OR1J2: variants seen among roughly 807,000 people sequenced by gnomAD.
OR1J2 encodes olfactory receptor family 1 subfamily J member 2, also known as olfactory receptor 1J2.
For synonymous variants in OR1J2, 142 were observed against 99.7 expected, an observed-to-expected ratio of 1.42 and a Z score of -2.52; for missense variants, 304 against 246.1, an observed-to-expected ratio of 1.24 and a Z score of -1.57.
At chr9:122,489,883 CAATT>C in the OR1J2 span, among the ~76,000 whole-genome samples, 1 of 152,090 alleles carries the variant, frequency 6.6e-6, no homozygotes, top group East Asian at 1.9e-4. Context: ...ATTAAAAACG[CAATT>C]AATAAAAACC....
the OR1J2 span, among the ~76,000 whole-genome samples, chr9:122,497,583 C>T: frequency 6.6e-6 from 1 of 151,922 alleles, no homozygotes; most frequent in South Asian, 2.1e-4. Context: ...AGCTAGTGGT[C>T]TATTGGTATT....
the OR1J2 span, among the ~76,000 whole-genome samples, chr9:122,474,043 A>G: frequency 6.6e-6 from 1 of 152,158 alleles, no homozygotes; most frequent in African/African-American, 2.4e-5. Flanking sequence ...AACTAAAAGA[A>G]CAAGTCTATC....
the OR1J2 span, among the ~76,000 whole-genome samples, chr9:122,472,330 G>A: frequency 1.3e-5 from 2 of 152,232 alleles, no homozygotes; most frequent in Admixed American, 1.3e-4. Flanking sequence ...TACAGGACAA[G>A]TTATAATACA....
the OR1J2 span, among the ~76,000 whole-genome samples, chr9:122,451,973 G>A: frequency 3.3e-5 from 5 of 152,150 alleles, no homozygotes; most frequent in African/African-American, 4.8e-5. Flanking sequence ...CCGCCTCCCG[G>A]GTTCACGCCA....
chr9:122,572,005 G>A, the OR1J2 span, among the ~76,000 whole-genome samples: 1 of 152,206 alleles, frequency 6.6e-6, no homozygotes. Context: ...TTCTGGGGAG[G>A]CCTCAGGAAA....
the OR1J2 span, among the ~76,000 whole-genome samples, chr9:122,557,491 G>A: frequency 1.3e-5 from 2 of 151,902 alleles, no homozygotes; most frequent in African/African-American, 4.8e-5. Context: ...TTAGTCTATT[G>A]ATGTGATCAA....
chr9:122,518,627 G>GT, the OR1J2 span, among the ~76,000 whole-genome samples: 5 of 151,974 alleles, frequency 3.3e-5, no homozygotes, highest in Non-Finnish European at 7.4e-5. Flanking sequence ...CAATAGACAA[G>GT]TTTTTTTTCT....
At chr9:122,494,701 G>A in the OR1J2 span, among the ~76,000 whole-genome samples, 2,188 of 152,256 alleles carry the variant, frequency 0.014, 39 homozygotes, top group African/African-American at 0.049. Flanking sequence ...ATTGAGATAT[G>A]AGGCAGTATT....
At chr9:122,546,635 CT>C in the OR1J2 span, among the ~76,000 whole-genome samples, 1 of 152,136 alleles carries the variant, frequency 6.6e-6, no homozygotes, top group Admixed American at 6.6e-5. Flanking sequence ...TCTTCTTTCA[CT>C]TTACCACAAT....
chr9:122,576,669 G>T, the OR1J2 span: 1 of 152,184 alleles, frequency 6.6e-6, no homozygotes, highest in Non-Finnish European at 1.5e-5. Flanking sequence ...CAGTGTGTGG[G>T]CCTTTCTATG....
At chr9:122,497,153 A>G in the OR1J2 span, among the ~76,000 whole-genome samples, 1 of 152,164 alleles carries the variant, frequency 6.6e-6, no homozygotes, top group African/African-American at 2.4e-5. Context: ...GCAGACTCAC[A>G]GTTTTTTGGC....
the OR1J2 span, among the ~76,000 whole-genome samples, chr9:122,491,463 G>A: frequency 1.3e-5 from 2 of 152,148 alleles, no homozygotes; most frequent in South Asian, 2.1e-4. Context: ...AGGGAGAAAA[G>A]CAAGGAAAGG....
the OR1J2 span, among the ~76,000 whole-genome samples, chr9:122,502,052 C>T: frequency 6.6e-6 from 1 of 152,190 alleles, no homozygotes; most frequent in Non-Finnish European, 1.5e-5. Flanking sequence ...GGTGGATAGA[C>T]AGAACAAATT....
chr9:122,551,925 C>G, the OR1J2 span, among the ~76,000 whole-genome samples: 28 of 152,018 alleles, frequency 1.8e-4, no homozygotes, highest in East Asian at 5.4e-3. Context: ...AGAAAGGTCT[C>G]AGAGTTTTTT....
chr9:122,451,790 A>G, the OR1J2 span, among the ~76,000 whole-genome samples: 11 of 152,304 alleles, frequency 7.2e-5, 1 homozygote, highest in South Asian at 2.3e-3. Context: ...CACATTTCCC[A>G]TAACTGGTGT....
downstream of OR1J2, among the ~76,000 whole-genome samples, chr9:122,514,899 C>T (rs979997557): frequency 5.3e-5 from 8 of 152,146 alleles, no homozygotes; most frequent in African/African-American, 1.9e-4. Flanking sequence ...TTTTCTGGCC[C>T]CAGATCTCAT....
At chr9:122,568,543 T>C in the OR1J2 span, 1 of 917,106 alleles carries the variant, frequency 1.1e-6, no homozygotes, top group Non-Finnish European at 1.7e-6. Context: ...ATAACACCAA[T>C]CATGAGAACC....
the OR1J2 span, among the ~76,000 whole-genome samples, chr9:122,489,973 G>A: frequency 6.6e-6 from 1 of 152,204 alleles, no homozygotes; most frequent in South Asian, 2.1e-4. Flanking sequence ...TTAGTATGCA[G>A]TAAGGCACAA....
the OR1J2 span, chr9:122,567,803 T>C: frequency 6.2e-7 from 1 of 1,614,030 alleles, no homozygotes; most frequent in Non-Finnish European, 8.5e-7. Flanking sequence ...TCTTGAGAAC[T>C]GTAGTGAGGA....
Sources: gnomAD v4.1 joint callset for allele counts (sites outside exome capture counted in the v4.1 genomes callset) on GRCh38, gnomAD v4.1.1 for gene constraint, MANE v1.5 for transcripts, NCBI Gene and HGNC (gene_info 2026-07-23, HGNC 2026-07-21) for gene names.